The following NEK11 variants were observed in gnomAD, a reference collection of about 807,000 sequenced individuals.
NEK11 encodes the protein serine/threonine-protein kinase Nek11.
Under a neutral mutation model 80.7 loss-of-function variants are expected in NEK11, and 72 were observed. The observed-to-expected ratio is 0.89, with a 90% CI of 0.74 to 1.08. NEK11 has a LOEUF of 1.08. Ranked by LOEUF, NEK11 falls within the 50% of genes least tolerant of loss-of-function variation. The pLI, the probability that NEK11 is intolerant of heterozygous loss-of-function variation, is 0.00. For synonymous variants in NEK11, 251 were observed against 260.7 expected (o/e 0.96, Z 0.36); for missense variants, 764 against 763.6 (o/e 1.00, Z -0.01).
chr3:131,303,285 C>T (rs771901431), intron 17 of NEK11, among the ~76,000 whole-genome samples: 14 of 152,054 alleles, frequency 9.2e-5, no homozygotes, highest in Non-Finnish European at 1.6e-4. Flanking sequence ...TTATCCAACT[C>T]GACACAGTGC....
chr3:131,063,173 T>C (rs913795299), intron 3 of NEK11, among the ~76,000 whole-genome samples: 1 of 152,102 alleles, frequency 6.6e-6, no homozygotes, highest in Admixed American at 6.6e-5. Context: ...TACAGCCACA[T>C]GCCACCACGC....
intron 14 of NEK11, among the ~76,000 whole-genome samples, chr3:131,208,815 C>G (rs977145911): frequency 7.9e-5 from 12 of 152,204 alleles, no homozygotes; most frequent in East Asian, 1.9e-4. Context: ...CATTGATTTT[C>G]TATCCTGAGA....
At chr3:131,078,441 A>G (rs1368128628) in intron 3 of NEK11, among the ~76,000 whole-genome samples, 2 of 152,190 alleles carry the variant, frequency 1.3e-5, no homozygotes, top group African/African-American at 4.8e-5. Context: ...TTAGAATTGT[A>G]ACGAGTTTTT....
intron 3 of NEK11, 61 bp from the exon 4 acceptor site, chr3:131,080,362 A>T (rs1315828913): frequency 1.6e-6 from 2 of 1,260,884 alleles, no homozygotes; most frequent in Non-Finnish European, 2.2e-6. Context: ...GTACCACTTG[A>T]TGATATTTGT....
chr3:131,164,883 G>T (rs538869724), intron 11 of NEK11, among the ~76,000 whole-genome samples: 2 of 152,254 alleles, frequency 1.3e-5, no homozygotes, highest in African/African-American at 4.8e-5. Context: ...GTATAAATTA[G>T]CCCACAAGTA....
chr3:131,222,314 T>C (rs2095051076), intron 14 of NEK11, among the ~76,000 whole-genome samples: 1 of 152,220 alleles, frequency 6.6e-6, no homozygotes, highest in African/African-American at 2.4e-5. Context: ...CTAGTCTACA[T>C]TGAAGAGTTG....
chr3:131,027,379 T>G (rs2064029680), intron 1 of NEK11: 1 of 152,106 alleles, frequency 6.6e-6, no homozygotes, highest in African/African-American at 2.4e-5. Context: ...TCCGTTGTCT[T>G]TTGCCCCCAG....
rs145834701 is a variant in NEK11 at position 131,178,858 on chromosome 3, T to G, written c.1399+7971T>G. Among the ~76,000 whole-genome samples the G allele has an allele frequency of 4.6e-3, 704 of 152,322 alleles. 4 individuals carry two copies. The highest frequency in any genetic ancestry group is 0.015 in the African/African-American group (639 of 41,572). The stretch of plus-strand genomic sequence containing the variant: ...ACTAGGTAATAGGAATTTTTTAGTT[T>G]AATTATTATCTTATGGGACCACAAC... On this transcript the variant is annotated intron_variant, in intron 14 of 17. Coordinates refer to ENST00000383366, the MANE Select transcript of NEK11 (RefSeq NM_024800.5).
chr3:131,270,056 A>G (rs1375698982), intron 16 of NEK11, among the ~76,000 whole-genome samples: 1 of 152,128 alleles, frequency 6.6e-6, no homozygotes, highest in African/African-American at 2.4e-5. Context: ...ATCCTAGGTA[A>G]TAGTGAGGAA....
At chr3:131,074,607 G>A (rs2074029898) in intron 3 of NEK11, among the ~76,000 whole-genome samples, 1 of 152,172 alleles carries the variant, frequency 6.6e-6, no homozygotes, top group African/African-American at 2.4e-5. Context: ...TAATGCAAAT[G>A]CAGACACTCT....
chr3:131,172,243 G>C (rs1005010988), intron 14 of NEK11, among the ~76,000 whole-genome samples: 2 of 152,222 alleles, frequency 1.3e-5, no homozygotes, highest in African/African-American at 4.8e-5. Flanking sequence ...GGGATCCTGG[G>C]CCAGTTGCAC....
At chr3:131,169,677 A>G (rs1231589794) in intron 13 of NEK11, among the ~76,000 whole-genome samples, 1 of 152,222 alleles carries the variant, frequency 6.6e-6, no homozygotes, top group African/African-American at 2.4e-5. Flanking sequence ...ATAGCAGATC[A>G]GGTCTCCATA....
intron 3 of NEK11, among the ~76,000 whole-genome samples, chr3:131,041,167 A>G (rs1026064956): frequency 1.3e-5 from 2 of 152,234 alleles, no homozygotes; most frequent in African/African-American, 4.8e-5. Flanking sequence ...GCTATTTCAA[A>G]GACATTTTGG....
intron 7 of NEK11, 40 bp downstream of exon 7, chr3:131,133,996 T>C: frequency 6.5e-7 from 1 of 1,530,284 alleles, no homozygotes; most frequent in African/African-American, 1.4e-5. Context: ...TCTGCTTCCC[T>C]AAAAGAATGG....
intron 3 of NEK11, among the ~76,000 whole-genome samples, chr3:131,075,945 T>A (rs2074276073): frequency 6.6e-6 from 1 of 152,166 alleles, no homozygotes; most frequent in South Asian, 2.1e-4. Context: ...AGTGACCTAG[T>A]GCCCTTGAGC....
At chr3:131,258,311 GAAATA>G (rs1256585279) in intron 16 of NEK11, among the ~76,000 whole-genome samples, 6 of 151,846 alleles carry the variant, frequency 4.0e-5, no homozygotes, top group African/African-American at 1.2e-4. Context: ...AAAAACTATT[GAAATA>G]AAATAAAACA....
chr3:131,037,100 G>A (rs1173317568), intron 3 of NEK11, among the ~76,000 whole-genome samples: 3 of 151,988 alleles, frequency 2.0e-5, no homozygotes, highest in Non-Finnish European at 4.4e-5. Flanking sequence ...GCCTTTTAGC[G>A]TCCTCAGCGA....
At chr3:131,307,206 C>A (rs2096732170) in intron 17 of NEK11, among the ~76,000 whole-genome samples, 1 of 152,150 alleles carries the variant, frequency 6.6e-6, no homozygotes, top group African/African-American at 2.4e-5. Context: ...CAAGTTATAT[C>A]AACTTTCAAG....
chr3:131,345,136 CTA>C (rs1159053871), intron 17 of NEK11, among the ~76,000 whole-genome samples: 1 of 151,494 alleles, frequency 6.6e-6, no homozygotes, highest in African/African-American at 2.4e-5. Context: ...TAATTTTTTT[CTA>C]TGTTTTTTAT....
Sources: allele counts gnomAD v4.1 joint callset (sites outside exome capture counted in the v4.1 genomes callset), GRCh38; gene constraint gnomAD v4.1.1; transcripts MANE v1.5; gene names NCBI Gene and HGNC (gene_info 2026-07-23, HGNC 2026-07-21).